Variants in QSER1 observed in about 807,000 individuals in gnomAD.
QSER1 encodes the protein glutamine and serine-rich protein 1.
Under a neutral mutation model 158.5 loss-of-function variants are expected in QSER1, and 49 were observed. The observed-to-expected ratio is 0.31, with a 90% CI of 0.25 to 0.39. The LOEUF (loss-of-function observed/expected upper bound fraction) is 0.39, where lower values mean the gene tolerates loss of function less well. Among genes scored for constraint, QSER1 ranks in the 10% least tolerant of loss-of-function variants. The probability of loss-of-function intolerance (pLI) is 1.00; values close to 1 mark genes in which losing one functional copy is unlikely to be tolerated. For missense variants in QSER1, 1,754 were observed against 2,010.3 expected (o/e 0.87, Z 2.44); for synonymous variants, 650 against 715.5 (o/e 0.91, Z 1.46).
chr11:32,950,733 T>C (rs957702312), intron 4 of QSER1, among the ~76,000 whole-genome samples: 2 of 152,206 alleles, frequency 1.3e-5, no homozygotes, highest in Non-Finnish European at 2.9e-5. Flanking sequence ...TCTGTAGATT[T>C]GCCTATTTGG....
Position 32,919,949 on chromosome 11 carries a change from TC to T in QSER1, c.210-7207del, listed in dbSNP as rs567069179. On this transcript the variant is annotated intron_variant, in intron 1 of 12. Transcript: ENST00000650167. The stretch of plus-strand genomic sequence containing the variant: ...TTGACATAAATGTCTTTTCTTTTTT[TC>T]TCCCTCCCTTTCTGCCCCCTTTCTT... 4.6e-5 allele frequency among the ~76,000 whole-genome samples: 7 copies of T among 152,344 alleles called. No individual in the cohort carries two copies. The South Asian group carries it at 1.5e-3, about 32-fold the overall frequency.
chr11:32,934,961 G>A lies in QSER1; in HGVS notation c.3703G>A (p.Gly1235Arg). ...PAQGKRQNPR[G>R]TDIYLPYTPP... ...CCAAGGCAAACGCCAGAATCCAAGG[G>A]GAACAGATATTTACTTACCGTATAC... The change falls in exon 4 of 13, where the codon GGA becomes AGA. Residue 1235 changes from glycine (G) to arginine (R), a missense_variant. This residue lies in a region of QSER1 where 1,707 missense variants were observed against 1,919.6 expected (regional missense o/e 0.89). Transcript: ENST00000650167. 6.2e-7 allele frequency: 1 copy of A among 1,614,058 alleles called. No individual in the cohort carries two copies. Among genetic ancestry groups the A allele is most frequent in the Non-Finnish European group, 8.5e-7 (1 of 1,180,000 alleles).
rs538784893 is a variant in QSER1, at chr11:32,941,391, C to A, written c.4177+5956C>A. On this transcript the variant is annotated intron_variant, in intron 4 of 12. Coordinates refer to ENST00000650167, the MANE Select transcript of QSER1 (RefSeq NM_001076786.3). ...AATGCTATCCCTCCCCCCTCCACCC[C>A]CCACAACAGTCCCCAGAGTGTGATG... Among the ~76,000 whole-genome samples the A allele has an allele frequency of 1.3e-4, 17 of 131,384 alleles. No individual in the cohort carries two copies. The East Asian group carries it at 1.8e-3, about 14-fold the overall frequency. The allele number at this position is 131,384 out of a possible 152,430, so 86.2% of individuals were successfully genotyped here.
chr11:32,948,966 C>T (rs968954874), intron 4 of QSER1, among the ~76,000 whole-genome samples: 5 of 152,142 alleles, frequency 3.3e-5, no homozygotes, highest in African/African-American at 9.7e-5. Context: ...CTTTTAGCTT[C>T]TCCAAATCTG....
At chr11:32,922,784 C>T (rs1315180359) in intron 1 of QSER1, among the ~76,000 whole-genome samples, 1 of 151,768 alleles carries the variant, frequency 6.6e-6, no homozygotes, top group African/African-American at 2.4e-5. Context: ...CATGCCCGGC[C>T]TATTTTTTTT....
intron 6 of QSER1, 134 bp downstream of exon 6, chr11:32,955,546 T>C (rs1590178942): frequency 3.7e-6 from 2 of 539,436 alleles, no homozygotes; most frequent in Middle Eastern, 4.8e-4. Context: ...AGAATATTGA[T>C]GCTCTTTGAT....
At chr11:32,897,243 C>T (rs1457414108) in intron 1 of QSER1, among the ~76,000 whole-genome samples, 1 of 152,132 alleles carries the variant, frequency 6.6e-6, no homozygotes, top group East Asian at 1.9e-4. Context: ...GTAATTTATA[C>T]CTACAGCTAC....
intron 4 of QSER1, 59 bp from the exon 5 acceptor site, chr11:32,953,798 A>C: frequency 6.6e-7 from 1 of 1,525,780 alleles, no homozygotes; most frequent in Non-Finnish European, 8.8e-7. Flanking sequence ...TGAGTTTTAC[A>C]CAAAACAAGT....
rs1317546549 is a variant in QSER1, at chr11:32,934,506, T to TAC, written c.3249_3250dup (p.Pro1084HisfsTer5). On this transcript the variant is annotated frameshift_variant, in exon 4 of 13. Coordinates refer to ENST00000650167, the MANE Select transcript of QSER1 (RefSeq NM_001076786.3). LOFTEE classifies it high-confidence loss of function. ...CACATTGAAACACCTGGTCAAAATATACCAACTAAAGTAACTTCAGCAGTG... is the reference window on the plus strand; with the variant it reads ...CACATTGAAACACCTGGTCAAAATATACACCAACTAAAGTAACTTCAGCAGTG... 1 of 1,613,528 alleles carries TAC rather than the reference T, an allele frequency of 6.2e-7. No individual in the cohort carries two copies. The highest frequency in any genetic ancestry group is 2.2e-5 in the East Asian group (1 of 44,896).
intron 1 of QSER1, among the ~76,000 whole-genome samples, chr11:32,916,869 C>T (rs1182766598): frequency 6.6e-6 from 1 of 151,736 alleles, no homozygotes; most frequent in Non-Finnish European, 1.5e-5. Context: ...TCACTGCAAC[C>T]TCCACCTCCC....
At position 32,933,647 on chromosome 11, in the gene QSER1, C is replaced by G. The variant is rs1852090120; in HGVS notation, c.2389C>G (p.Gln797Glu). ...KNSTNLIQTPQIRLNTKDLKQ... is the reference protein window; with the variant it reads ...KNSTNLIQTPEIRLNTKDLKQ... ...CTCAACTAATTTAATACAGACTCCACAAATAAGGTTGAATACTAAAGACTT... is the reference window on the plus strand; with the variant it reads ...CTCAACTAATTTAATACAGACTCCAGAAATAAGGTTGAATACTAAAGACTT... The change falls in exon 4 of 13, where the codon CAA becomes GAA. Residue 797 changes from glutamine (Q) to glutamate (E), a missense_variant. This residue lies in a region of QSER1 where 1,707 missense variants were observed against 1,919.6 expected (regional missense o/e 0.89). Transcript: ENST00000650167. 3 of 1,613,548 alleles carry G rather than the reference C, an allele frequency of 1.9e-6. No individual in the cohort carries two copies. The African/African-American group carries it at 4.0e-5, about 22-fold the overall frequency.
Position 32,933,991 on chromosome 11 carries a change from TCAG to T in QSER1, c.2739_2741del (p.Gln914del). On this transcript the variant is annotated inframe_deletion, in exon 4 of 13. Coordinates refer to ENST00000650167, the MANE Select transcript of QSER1 (RefSeq NM_001076786.3). ...TTATTCAAAGCAATGGTGATCATTC[TCAG>T]CAGCAACTCCATCCTCAAAATTCTG... The T allele has an allele frequency of 6.2e-7, 1 of 1,613,842 alleles. No homozygotes were observed. Among genetic ancestry groups the T allele is most frequent in the Non-Finnish European group, 8.5e-7 (1 of 1,179,926 alleles).
intron 1 of QSER1, among the ~76,000 whole-genome samples, chr11:32,910,466 T>C (rs1851752549): frequency 6.6e-6 from 1 of 152,220 alleles, no homozygotes; most frequent in Non-Finnish European, 1.5e-5. Flanking sequence ...TGCTCTGCCA[T>C]ATATTTGTTT....
chr11:32,909,504 A>G (rs911576142), intron 1 of QSER1, among the ~76,000 whole-genome samples: 3 of 151,308 alleles, frequency 2.0e-5, no homozygotes, highest in African/African-American at 7.3e-5. Flanking sequence ...CAGTAGCACG[A>G]TCTTGGCTCA....
rs763051422 is a variant in QSER1 at position 32,935,240 on chromosome 11, A to G, written c.3982A>G (p.Thr1328Ala). Reference sequence around the variant, plus strand: ...ACCACTTCCCAAGCCTTCATCTACAACACCCACACCTTTAGTGTCTGAAAC... The same window carrying G: ...ACCACTTCCCAAGCCTTCATCTACAGCACCCACACCTTTAGTGTCTGAAAC... ...PPPLPKPSSTTPTPLVSETGG... is the reference protein window; with the variant it reads ...PPPLPKPSSTAPTPLVSETGG... Residue 1328 changes from threonine to alanine, a missense_variant, in exon 4 of 13, where the codon ACA (threonine) becomes GCA (alanine). Thr to Ala is a moderately conservative substitution (Grantham distance 58). Transcript: ENST00000650167. 2 of 1,613,920 alleles carry G rather than the reference A, an allele frequency of 1.2e-6. No individual in the cohort carries two copies. Among genetic ancestry groups the G allele is most frequent in the Non-Finnish European group, 1.7e-6 (2 of 1,179,914 alleles).
intron 4 of QSER1, among the ~76,000 whole-genome samples, chr11:32,943,482 T>G (rs1318937594): frequency 1.3e-5 from 2 of 151,784 alleles, no homozygotes; most frequent in African/African-American, 4.8e-5. Flanking sequence ...TCTGCATCTA[T>G]TGAGATAATC....
At chr11:32,925,497 T>TTTTTA (rs956363607) in intron 1 of QSER1, among the ~76,000 whole-genome samples, 3 of 77,672 alleles carry the variant, frequency 3.9e-5, no homozygotes. Flanking sequence ...ATCGCTTTTT[T>TTTTTA]ATTTATTTAT....
At chr11:32,949,829 A>C (rs1732836760) in intron 4 of QSER1, among the ~76,000 whole-genome samples, 1 of 152,214 alleles carries the variant, frequency 6.6e-6, no homozygotes, top group African/African-American at 2.4e-5. Context: ...GGACAAGAAC[A>C]GGTAGGCTGG....
chr11:32,951,683 C>CT (rs1852424575), intron 4 of QSER1, among the ~76,000 whole-genome samples: 1 of 152,016 alleles, frequency 6.6e-6, no homozygotes, highest in Admixed American at 6.6e-5. Flanking sequence ...ACTTTTGATG[C>CT]TATTAGAAAT....
Sources: allele counts gnomAD v4.1 joint callset (sites outside exome capture counted in the v4.1 genomes callset), GRCh38; gene constraint gnomAD v4.1.1; regional missense constraint gnomAD v4.1.1; transcripts MANE v1.5; gene names NCBI Gene and HGNC (gene_info 2026-07-23, HGNC 2026-07-21).